LDB2: variants seen among roughly 807,000 people sequenced by gnomAD.
LDB2 encodes LIM domain-binding protein 2.
In LDB2, 12 loss-of-function variants were observed where a neutral mutation model predicts 44.3. That is an observed-to-expected ratio of 0.27 (90% CI 0.17 to 0.44). LDB2 has a LOEUF of 0.44. Among genes scored for constraint, LDB2 ranks in the 20% least tolerant of loss-of-function variants. LDB2 has a pLI of 1.00. For synonymous variants in LDB2, 164 were observed against 174.8 expected, an observed-to-expected ratio of 0.94 and a Z score of 0.49; for missense variants, 344 against 473.5, an observed-to-expected ratio of 0.73 and a Z score of 2.54.
At chr4:16,654,937 G>C (rs1322362906) in intron 2 of LDB2, among the ~76,000 whole-genome samples, 1 of 151,952 alleles carries the variant, frequency 6.6e-6, no homozygotes, top group Non-Finnish European at 1.5e-5. Context: ...ATACATGAAA[G>C]CTCTTCCCTA....
intron 1 of LDB2, among the ~76,000 whole-genome samples, chr4:16,815,978 C>T (rs969199650): frequency 1.3e-5 from 2 of 152,144 alleles, no homozygotes; most frequent in African/African-American, 2.4e-5. Flanking sequence ...GAGGCCGAGG[C>T]GGGTGGATCG....
intron 2 of LDB2, among the ~76,000 whole-genome samples, chr4:16,735,681 G>A (rs904709020): frequency 1.3e-5 from 2 of 151,832 alleles, no homozygotes; most frequent in African/African-American, 4.8e-5. Context: ...GTGACAAAAG[G>A]GTATCTCACC....
intron 2 of LDB2, among the ~76,000 whole-genome samples, chr4:16,628,694 A>T (rs150429102): frequency 2.0e-5 from 3 of 152,270 alleles, no homozygotes; most frequent in African/African-American, 7.2e-5. Context: ...TAGACGCAGA[A>T]GATGGGTGAT....
At chr4:16,535,489 A>G (rs1009013223) in intron 5 of LDB2, among the ~76,000 whole-genome samples, 2 of 152,204 alleles carry the variant, frequency 1.3e-5, no homozygotes, top group African/African-American at 2.4e-5. Flanking sequence ...CAGATACAAT[A>G]AACAAAGCAG....
intron 2 of LDB2, among the ~76,000 whole-genome samples, chr4:16,607,905 C>G (rs183506160): frequency 9.2e-5 from 14 of 152,182 alleles, no homozygotes; most frequent in Admixed American, 8.5e-4. Context: ...GGGTTTCTAA[C>G]ACAGAGGTAA....
intron 5 of LDB2, among the ~76,000 whole-genome samples, chr4:16,555,885 T>C (rs1739389458): frequency 6.6e-6 from 1 of 152,162 alleles, no homozygotes; most frequent in African/African-American, 2.4e-5. Flanking sequence ...CAATTCAATC[T>C]CGCGTTACTC....
chr4:16,779,925 T>C lies in LDB2; in HGVS notation c.133-20665A>G, dbSNP rs576358594. Among the ~76,000 whole-genome samples, 4 of 152,370 alleles carry C rather than the reference T, an allele frequency of 2.6e-5. No homozygotes were observed. The East Asian group carries it at 7.7e-4, about 29-fold the overall frequency. ...CCAAAATGCAAGATCTTCTTTCTTT[T>C]CTGTATTTGTTTTTTTGAAACTGTT... On this transcript the variant is annotated intron_variant, in intron 1 of 7. Coordinates refer to ENST00000304523, the MANE Select transcript of LDB2 (RefSeq NM_001290.5).
intron 2 of LDB2, among the ~76,000 whole-genome samples, chr4:16,666,270 C>A (rs1208812271): frequency 1.3e-5 from 2 of 152,172 alleles, no homozygotes; most frequent in Non-Finnish European, 2.9e-5. Flanking sequence ...CTTTCTCTGG[C>A]TCACACGGGA....
At chr4:16,605,006 T>A (rs2152455888) in intron 2 of LDB2, among the ~76,000 whole-genome samples, 1 of 152,230 alleles carries the variant, frequency 6.6e-6, no homozygotes, top group Non-Finnish European at 1.5e-5. Context: ...CAGCAAAAGG[T>A]TTAGTCCAGT....
At chr4:16,639,942 A>C (rs1734684063) in intron 2 of LDB2, among the ~76,000 whole-genome samples, 1 of 152,266 alleles carries the variant, frequency 6.6e-6, no homozygotes, top group Non-Finnish European at 1.5e-5. Flanking sequence ...GATGACAAAT[A>C]GCATATGTTG....
intron 2 of LDB2, among the ~76,000 whole-genome samples, chr4:16,686,814 T>C (rs1016144863): frequency 6.6e-6 from 1 of 152,192 alleles, no homozygotes; most frequent in African/African-American, 2.4e-5. Context: ...CAAAAAACTG[T>C]CATTCTGATT....
chr4:16,506,075 C>T lies in LDB2; in HGVS notation c.891+2460G>A, dbSNP rs541146113. ...GCCGCAGCAGCTACACAGACCACAGCTGTGGTCATAGTGGCACATGCCTTT... is the reference window on the plus strand; with the variant it reads ...GCCGCAGCAGCTACACAGACCACAGTTGTGGTCATAGTGGCACATGCCTTT... On this transcript the variant is annotated intron_variant, in intron 7 of 7. Transcript: ENST00000304523. The T allele has an allele frequency of 2.1e-4, 290 of 1,392,644 alleles. 2 individuals carry two copies. The African/African-American group carries it at 3.6e-3, about 17-fold the overall frequency. 86.3% of individuals were successfully genotyped at this position (1,392,644 alleles called of 1,614,324 possible).
At chr4:16,754,840 G>A (rs1195905944) in intron 2 of LDB2, among the ~76,000 whole-genome samples, 4 of 152,090 alleles carry the variant, frequency 2.6e-5, no homozygotes, top group Non-Finnish European at 5.9e-5. Flanking sequence ...CCCAGTGATG[G>A]TAGTATTATA....
At chr4:16,650,763 A>G (rs1376503963) in intron 2 of LDB2, among the ~76,000 whole-genome samples, 1 of 152,182 alleles carries the variant, frequency 6.6e-6, no homozygotes, top group Non-Finnish European at 1.5e-5. Context: ...CTGCCATTTC[A>G]GTTCATATGT....
intron 1 of LDB2, among the ~76,000 whole-genome samples, chr4:16,858,750 C>A (rs1376862848): frequency 6.6e-6 from 1 of 152,172 alleles, no homozygotes; most frequent in Non-Finnish European, 1.5e-5. Context: ...ACTATCACAT[C>A]ACAATTATTT....
chr4:16,565,373 TA>T (rs1363165675), intron 5 of LDB2, among the ~76,000 whole-genome samples: 2 of 152,112 alleles, frequency 1.3e-5, no homozygotes, highest in African/African-American at 4.8e-5. Context: ...CTCATAATAA[TA>T]AAAAGAGAAG....
At chr4:16,737,490 G>A (rs1762132025) in intron 2 of LDB2, among the ~76,000 whole-genome samples, 1 of 152,038 alleles carries the variant, frequency 6.6e-6, no homozygotes. Flanking sequence ...AAAAATTAAT[G>A]ACAGGATGTT....
chr4:16,625,829 A>G (rs992980208), intron 2 of LDB2, among the ~76,000 whole-genome samples: 5 of 152,032 alleles, frequency 3.3e-5, no homozygotes, highest in African/African-American at 1.2e-4. Flanking sequence ...AGTGTCTCCA[A>G]TGTCTCCTAC....
chr4:16,859,016 A>G (rs1245682564), intron 1 of LDB2, among the ~76,000 whole-genome samples: 1 of 152,230 alleles, frequency 6.6e-6, no homozygotes, highest in Non-Finnish European at 1.5e-5. Flanking sequence ...AACAAATGAC[A>G]ACAAAATGAC....
Sources: allele counts gnomAD v4.1 joint callset (sites outside exome capture counted in the v4.1 genomes callset), GRCh38; gene constraint gnomAD v4.1.1; transcripts MANE v1.5; gene names NCBI Gene and HGNC (gene_info 2026-07-23, HGNC 2026-07-21).